The following FAM81B variants were observed in gnomAD, a reference collection of about 807,000 sequenced individuals.
FAM81B encodes the protein family with sequence similarity 81 member B, also known as protein FAM81B.
A neutral mutation model predicts 58.7 loss-of-function variants in FAM81B; 60 were observed. The observed-to-expected ratio is 1.02, with a 90% CI of 0.83 to 1.27. FAM81B has a LOEUF of 1.27. Ranked by LOEUF, FAM81B falls within the 50% of genes most tolerant of loss-of-function variation. The probability of loss-of-function intolerance (pLI) is 0.00; values close to 1 mark genes in which losing one functional copy is unlikely to be tolerated. For missense variants in FAM81B, 491 were observed against 522.0 expected (o/e 0.94, Z 0.58); for synonymous variants, 189 against 179.6 (o/e 1.05, Z -0.42).
At chr5:95,393,221 G>A (rs1347487420) in intron 2 of FAM81B, among the ~76,000 whole-genome samples, 1 of 152,074 alleles carries the variant, frequency 6.6e-6, no homozygotes, top group Non-Finnish European at 1.5e-5. Context: ...CATGAAAACC[G>A]GTATAGCTAA....
intron 2 of FAM81B, among the ~76,000 whole-genome samples, chr5:95,394,694 G>C (rs890562375): frequency 6.6e-6 from 1 of 152,170 alleles, no homozygotes; most frequent in African/African-American, 2.4e-5. Flanking sequence ...CAGCAATGCG[G>C]GGAGGGTACA....
At position 95,448,249 on chromosome 5, in the gene FAM81B, T is replaced by C. The variant is rs951293708; in HGVS notation, c.1030-20T>C. On this transcript the variant is annotated intron_variant, in intron 8 of 9. Transcript: ENST00000283357. Reference sequence around the variant, plus strand: ...ATCCATGTACATTTCTGAAGTTTTATCCCATAATCTCTTTTACAGGAAAAG... The same window carrying C: ...ATCCATGTACATTTCTGAAGTTTTACCCCATAATCTCTTTTACAGGAAAAG... The C allele has an allele frequency of 1.9e-6, 3 of 1,579,446 alleles. No individual in the cohort carries two copies. The African/African-American group carries it at 4.1e-5, about 22-fold the overall frequency.
intron 8 of FAM81B, among the ~76,000 whole-genome samples, chr5:95,446,950 TTA>T (rs1561317189): frequency 8.8e-6 from 1 of 113,030 alleles, no homozygotes; most frequent in Non-Finnish European, 1.8e-5. Context: ...GTTTTTTTTT[TTA>T]AAAAAAAAAA....
At chr5:95,447,233 C>A (rs961501233) in intron 8 of FAM81B, among the ~76,000 whole-genome samples, 2 of 152,182 alleles carry the variant, frequency 1.3e-5, no homozygotes, top group African/African-American at 4.8e-5. Flanking sequence ...ACACCTTACC[C>A]AATGGGAAGG....
chr5:95,393,856 G>A (rs1761894748), intron 2 of FAM81B, among the ~76,000 whole-genome samples: 1 of 152,094 alleles, frequency 6.6e-6, no homozygotes, highest in Non-Finnish European at 1.5e-5. Flanking sequence ...ATTATGAAAT[G>A]GATAAAACTG....
Position 95,436,790 on chromosome 5 carries a change from CT to C in FAM81B, c.787-7del. On this transcript the variant is annotated splice_polypyrimidine_tract_variant and intron_variant, in intron 6 of 9. Coordinates refer to ENST00000283357, the MANE Select transcript of FAM81B (RefSeq NM_152548.3). ...GTTCATATGCACAAACCCTCTCGTACTTTGACTAGGTGATGCAGCTCTTAGG... is the reference window on the plus strand; with the variant it reads ...GTTCATATGCACAAACCCTCTCGTACTTGACTAGGTGATGCAGCTCTTAGG... 1.9e-6 allele frequency: 3 copies of C among 1,583,468 alleles called. No individual in the cohort carries two copies. The highest frequency in any genetic ancestry group is 2.6e-6 in the Non-Finnish European group (3 of 1,152,100).
At chr5:95,434,753 A>T (rs992707064) in intron 6 of FAM81B, among the ~76,000 whole-genome samples, 1 of 152,224 alleles carries the variant, frequency 6.6e-6, no homozygotes, top group Admixed American at 6.5e-5. Context: ...TTGTATAATT[A>T]TGAAAATATT....
chr5:95,392,343 G>A (rs1761846270), intron 1 of FAM81B, among the ~76,000 whole-genome samples: 1 of 152,068 alleles, frequency 6.6e-6, no homozygotes, highest in Non-Finnish European at 1.5e-5. Context: ...TCACACACTG[G>A]GGCCTGTTGG....
chr5:95,397,543 G>A (rs1246719764), intron 3 of FAM81B, among the ~76,000 whole-genome samples: 1 of 152,144 alleles, frequency 6.6e-6, no homozygotes, highest in East Asian at 1.9e-4. Context: ...GCTCAAGCTG[G>A]TGATGTACAT....
chr5:95,415,567 A>G (rs1561299110), intron 4 of FAM81B, among the ~76,000 whole-genome samples: 1 of 152,204 alleles, frequency 6.6e-6, no homozygotes, highest in African/African-American at 2.4e-5. Flanking sequence ...AAAGTGATTA[A>G]AGGTATTTCC....
chr5:95,429,743 T>C (rs1432610448), intron 6 of FAM81B, among the ~76,000 whole-genome samples: 2 of 152,246 alleles, frequency 1.3e-5, no homozygotes, highest in Non-Finnish European at 1.5e-5. Flanking sequence ...AATTCCAGAA[T>C]ACTGTTAAAT....
intron 7 of FAM81B, among the ~76,000 whole-genome samples, chr5:95,441,184 C>T (rs767600129): frequency 6.6e-6 from 1 of 152,162 alleles, no homozygotes; most frequent in African/African-American, 2.4e-5. Context: ...ATACAAAGAG[C>T]CTCGGCTTCC....
At position 95,432,219 on chromosome 5, in the gene FAM81B, T is replaced by C. The variant is rs73778839; in HGVS notation, c.786+3487T>C. On this transcript the variant is annotated intron_variant, in intron 6 of 9. Coordinates refer to ENST00000283357, the MANE Select transcript of FAM81B (RefSeq NM_152548.3). Reference sequence around the variant, plus strand: ...GTAATTATTTCCTATTATTAAACCATCCTTGCATTTTCTAAAATAAATTAC... The same window carrying C: ...GTAATTATTTCCTATTATTAAACCACCCTTGCATTTTCTAAAATAAATTAC... Among the ~76,000 whole-genome samples the C allele has an allele frequency of 6.0e-3, 906 of 152,226 alleles. 7 individuals are homozygous for C. Among genetic ancestry groups the C allele is most frequent in the African/African-American group, 0.021 (873 of 41,574 alleles).
chr5:95,412,262 C>A (rs1436994851), intron 3 of FAM81B, among the ~76,000 whole-genome samples: 2 of 152,114 alleles, frequency 1.3e-5, no homozygotes, highest in Non-Finnish European at 2.9e-5. Context: ...CATGAGCAAT[C>A]CCTATTAAAT....
At chr5:95,426,981 G>A (rs1032724633) in intron 5 of FAM81B, among the ~76,000 whole-genome samples, 6 of 152,136 alleles carry the variant, frequency 3.9e-5, no homozygotes, top group Non-Finnish European at 5.9e-5. Flanking sequence ...CCTGGGAGGC[G>A]GAGCTTGCAG....
intron 6 of FAM81B, among the ~76,000 whole-genome samples, chr5:95,435,716 T>C (rs1745072840): frequency 1.3e-5 from 2 of 152,174 alleles, no homozygotes; most frequent in African/African-American, 2.4e-5. Context: ...AAGATGACCA[T>C]CTTTGTCCCA....
rs193221199 is a variant in FAM81B, at chr5:95,418,501, C to T, written c.538-1783C>T. On this transcript the variant is annotated intron_variant, in intron 4 of 9. Transcript: ENST00000283357. Reference sequence around the variant, plus strand: ...AATAAATTCATGCTAGTTTTGCTGTCGCACTTCAAGCTACAAGAGTTACAG... The same window carrying T: ...AATAAATTCATGCTAGTTTTGCTGTTGCACTTCAAGCTACAAGAGTTACAG... Among the ~76,000 whole-genome samples the T allele has an allele frequency of 8.5e-5, 13 of 152,264 alleles. No homozygotes were observed. The South Asian group carries it at 1.5e-3, about 17-fold the overall frequency.
chr5:95,406,902 T>A (rs1001334506), intron 3 of FAM81B, among the ~76,000 whole-genome samples: 1 of 152,156 alleles, frequency 6.6e-6, no homozygotes. Flanking sequence ...GGGGCCGATT[T>A]ACTTTAGCTC....
chr5:95,414,774 C>A (rs777936431), intron 4 of FAM81B, among the ~76,000 whole-genome samples: 13 of 152,166 alleles, frequency 8.5e-5, no homozygotes, highest in Non-Finnish European at 1.9e-4. Flanking sequence ...TCAAATATAG[C>A]CTCGTAACAG....
Sources: gnomAD v4.1 joint callset for allele counts (sites outside exome capture counted in the v4.1 genomes callset) on GRCh38, gnomAD v4.1.1 for gene constraint, MANE v1.5 for transcripts, NCBI Gene and HGNC (gene_info 2026-07-23, HGNC 2026-07-21) for gene names.